TNFRSF11A: variants seen among roughly 807,000 people sequenced by gnomAD.
TNFRSF11A encodes tumor necrosis factor receptor superfamily member 11A.
A neutral mutation model predicts 55.7 loss-of-function variants in TNFRSF11A; 32 were observed. The ratio of observed to expected loss-of-function variants is 0.57; its 90% confidence interval spans 0.43 to 0.77. TNFRSF11A has a LOEUF of 0.77. TNFRSF11A is among the 30% of genes least tolerant of loss of function. The pLI, the probability that TNFRSF11A is intolerant of heterozygous loss-of-function variation, is 0.00. For synonymous variants in TNFRSF11A, 311 were observed against 331.0 expected, an observed-to-expected ratio of 0.94 and a Z score of 0.65; for missense variants, 753 against 809.8, an observed-to-expected ratio of 0.93 and a Z score of 0.85.
In TNFRSF11A at chr18:62,325,489, G is replaced by T; in HGVS notation, c.75+62G>T. 9.1e-7 allele frequency: 1 copy of T among 1,099,204 alleles called. No individual in the cohort carries two copies. The highest frequency in any genetic ancestry group is 1.1e-6 in the Non-Finnish European group (1 of 876,634). 68.1% of individuals were successfully genotyped at this position (1,099,204 alleles called of 1,614,324 possible). A position where few individuals can be genotyped will look rare whatever the true frequency, so the allele number is the denominator to read the frequency against. The stretch of plus-strand genomic sequence containing the variant: ...GACGCCTCCTCGGGAGCCCCGGGAA[G>T]GGCCGGGGCCGGCGGCATCCTGGCT... On this transcript the variant is annotated intron_variant, in intron 1 of 9. Transcript: ENST00000586569. This position sits in a 1 kb window ranked among gnomAD's most constrained non-coding sequence, Gnocchi z 4.7.
chr18:62,345,798 G>A (rs538720409), intron 1 of TNFRSF11A, among the ~76,000 whole-genome samples: 6 of 152,328 alleles, frequency 3.9e-5, no homozygotes, highest in Admixed American at 2.0e-4. Flanking sequence ...TGAGGTAGAA[G>A]CTTAGGAGAG....
At chr18:62,368,268 T>C (rs1910247468) in intron 8 of TNFRSF11A, among the ~76,000 whole-genome samples, 1 of 152,226 alleles carries the variant, frequency 6.6e-6, no homozygotes, top group South Asian at 2.1e-4. Flanking sequence ...GTATATTTCC[T>C]CATTTGCTCA....
intron 1 of TNFRSF11A, among the ~76,000 whole-genome samples, chr18:62,344,367 C>T (rs138444682): frequency 1.3e-5 from 2 of 152,300 alleles, no homozygotes; most frequent in Non-Finnish European, 2.9e-5. Flanking sequence ...TAAATAAAAG[C>T]CTGTACATCT....
rs145012753 is a variant in TNFRSF11A, at chr18:62,352,142, G to A, written c.283+2205G>A. Among the ~76,000 whole-genome samples the A allele has an allele frequency of 2.7e-3, 409 of 152,318 alleles. 1 individual carries two copies. The highest frequency in any genetic ancestry group is 4.0e-3 in the Non-Finnish European group (273 of 68,028). On this transcript the variant is annotated intron_variant, in intron 3 of 9. Transcript: ENST00000586569. ...GCTCAGATTGTCACATTTCTATGAG[G>A]TGGCCCAAGGTGTTTTGATACAGCC...
intron 9 of TNFRSF11A, 128 bp downstream of exon 9, chr18:62,369,612 T>TAAGAG: frequency 1.7e-6 from 2 of 1,198,534 alleles, no homozygotes; most frequent in Non-Finnish European, 2.4e-6. Flanking sequence ...CTTTTTCTCT[T>TAAGAG]AATAAGCATT....
chr18:62,391,280 C>G lies in TNFRSF11A; in HGVS notation c.*6246C>G, dbSNP rs1356694205. On this transcript the variant is annotated 3_prime_UTR_variant, in exon 10 of 10. Coordinates refer to ENST00000586569, the MANE Select transcript of TNFRSF11A (RefSeq NM_003839.4). ...TTTGGGGAGATTACAAATAAAGCTA[C>G]TATAAAAACTCGTGTGGATGTGTGC... 1 of 152,326 alleles carries G rather than the reference C, an allele frequency of 6.6e-6. No individual in the cohort carries two copies. The highest frequency in any genetic ancestry group is 1.9e-4 in the East Asian group (1 of 5,226). 9.4% of individuals were successfully genotyped at this position (152,326 alleles called of 1,614,324 possible).
chr18:62,370,996 AT>A (rs1910512048), intron 9 of TNFRSF11A, among the ~76,000 whole-genome samples: 1 of 151,848 alleles, frequency 6.6e-6, no homozygotes, highest in African/African-American at 2.4e-5. Context: ...CACCATGCTA[AT>A]TTTTGTATTT....
At chr18:62,371,280 T>C (rs534704403) in intron 9 of TNFRSF11A, among the ~76,000 whole-genome samples, 126 of 152,286 alleles carry the variant, frequency 8.3e-4, no homozygotes, top group African/African-American at 2.9e-3. Flanking sequence ...GGTTTTTCAG[T>C]GGGTGACACC....
chr18:62,362,829 C>CTTAT (rs990621878), intron 7 of TNFRSF11A, among the ~76,000 whole-genome samples: 110 of 152,026 alleles, frequency 7.2e-4, no homozygotes, highest in African/African-American at 2.5e-3. Context: ...CAGTTGCTCT[C>CTTAT]TTATTTATTT....
intron 1 of TNFRSF11A, among the ~76,000 whole-genome samples, chr18:62,346,491 C>T (rs543763345): frequency 6.6e-6 from 1 of 152,330 alleles, no homozygotes; most frequent in South Asian, 2.1e-4. Context: ...CCCTAAGACT[C>T]TGTCACCCAG....
At chr18:62,360,091 G>A in intron 6 of TNFRSF11A, 42 bp downstream of exon 6, 1 of 1,575,792 alleles carries the variant, frequency 6.3e-7, no homozygotes, top group Non-Finnish European at 8.7e-7. Context: ...ATGTGCCCCA[G>A]GGTGGTCAGC....
rs980757178 is a variant in TNFRSF11A, at chr18:62,389,361, T to G, written c.*4327T>G. The G allele has an allele frequency of 6.6e-6, 1 of 152,282 alleles. No homozygotes were observed. Among genetic ancestry groups the G allele is most frequent in the Non-Finnish European group, 1.5e-5 (1 of 68,182 alleles). The allele number at this position is 152,282 out of a possible 1,614,324, so 9.4% of individuals were successfully genotyped here. On this transcript the variant is annotated 3_prime_UTR_variant, in exon 10 of 10. Coordinates refer to ENST00000586569, the MANE Select transcript of TNFRSF11A (RefSeq NM_003839.4). ...CACTGGGCAGTGGCGGTGCCAGCAG[T>G]GAGCACAGGCGGGGTCTAGGTGGGA...
intron 1 of TNFRSF11A, among the ~76,000 whole-genome samples, chr18:62,334,351 C>T (rs1467134160): frequency 6.6e-6 from 1 of 152,118 alleles, no homozygotes; most frequent in Non-Finnish European, 1.5e-5. Context: ...CTCGTCTATG[C>T]CCCACACCCC....
chr18:62,345,434 G>A (rs923938941), intron 1 of TNFRSF11A, among the ~76,000 whole-genome samples: 4 of 152,214 alleles, frequency 2.6e-5, no homozygotes, highest in Non-Finnish European at 5.9e-5. Context: ...ATACTTCAAA[G>A]TATATCATGT....
At position 62,385,037 on chromosome 18, in the gene TNFRSF11A, G is replaced by C. The variant is rs773510250; in HGVS notation, c.*3G>C. 1.4e-6 allele frequency: 2 copies of C among 1,468,688 alleles called. No homozygotes were observed. Among genetic ancestry groups the C allele is most frequent in the South Asian group, 1.3e-5 (1 of 75,096 alleles). The allele number at this position is 1,468,688 out of a possible 1,614,324, so 91.0% of individuals were successfully genotyped here. On this transcript the variant is annotated 3_prime_UTR_variant, in exon 10 of 10. Coordinates refer to ENST00000586569, the MANE Select transcript of TNFRSF11A (RefSeq NM_003839.4). Reference sequence around the variant, plus strand: ...AGCAAGGCGGGGCCAAGGCTTGAGCGCCCCCCATGGCTGGGAGCCCGAAGC... The same window carrying C: ...AGCAAGGCGGGGCCAAGGCTTGAGCCCCCCCCATGGCTGGGAGCCCGAAGC...
intron 1 of TNFRSF11A, among the ~76,000 whole-genome samples, chr18:62,334,452 A>G (rs1888216981): frequency 6.6e-6 from 1 of 151,870 alleles, no homozygotes; most frequent in South Asian, 2.1e-4. Flanking sequence ...TCCCACTCCC[A>G]CCACCTGCCA....
chr18:62,358,372 G>T, intron 5 of TNFRSF11A, 31 bp downstream of exon 5: 1 of 1,602,332 alleles, frequency 6.2e-7, no homozygotes. Flanking sequence ...CAGAAGAGAT[G>T]GTTGGTTTTT....
Position 62,383,905 on chromosome 18 carries a change from A to G in TNFRSF11A, c.1568-846A>G, listed in dbSNP as rs1490271022. Among the ~76,000 whole-genome samples, 1 of 152,082 alleles carries G rather than the reference A, an allele frequency of 6.6e-6. No individual in the cohort carries two copies. Among genetic ancestry groups the G allele is most frequent in the Admixed American group, 6.5e-5 (1 of 15,270 alleles). ...TTAATCTCTACTGAAAGCTGAGCCC[A>G]CGTGGCCCCATGATCCTCCAGGGCT... On this transcript the variant is annotated intron_variant, in intron 9 of 9. Transcript: ENST00000586569. The surrounding 1 kb of genome is among the most constrained non-coding windows in gnomAD (Gnocchi z 4.2).
intron 8 of TNFRSF11A, 82 bp downstream of exon 8, chr18:62,366,842 A>AACCC (rs1910118986): frequency 8.7e-7 from 1 of 1,154,398 alleles, no homozygotes. Context: ...CATATTGAGC[A>AACCC]CCCCCCCCCA....
Sources: gnomAD v4.1 joint callset for allele counts (sites outside exome capture counted in the v4.1 genomes callset) on GRCh38, gnomAD v4.1.1 for gene constraint, Gnocchi (gnomAD v3.1) non-coding constraint, MANE v1.5 for transcripts, NCBI Gene and HGNC (gene_info 2026-07-23, HGNC 2026-07-21) for gene names.